The following ANK3 variants were observed in gnomAD, a reference collection of about 807,000 sequenced individuals.
ANK3 encodes the protein ankyrin-3.
Under a neutral mutation model 370.9 loss-of-function variants are expected in ANK3, and 57 were observed. The observed-to-expected ratio is 0.15, with a 90% CI of 0.12 to 0.19. The LOEUF is 0.19. Ranked by LOEUF, ANK3 falls within the 10% of genes least tolerant of loss-of-function variation. The pLI, the probability that ANK3 is intolerant of heterozygous loss-of-function variation, is 1.00. For synonymous variants in ANK3, 1,929 were observed against 1,946.3 expected (o/e 0.99, Z 0.23); for missense variants, 4,439 against 5,302.1 (o/e 0.84, Z 5.06).
chr10:60,629,556 C>G (rs2078454953), intron 1 of ANK3, among the ~76,000 whole-genome samples: 1 of 151,956 alleles, frequency 6.6e-6, no homozygotes, highest in Non-Finnish European at 1.5e-5. Context: ...TCTATGGCAA[C>G]CCAGGCTCCA....
chr10:60,042,778 T>C lies in ANK3; in HGVS notation c.13066-19A>G. 1.9e-6 allele frequency: 3 copies of C among 1,611,802 alleles called. No homozygotes were observed. The highest frequency in any genetic ancestry group is 2.5e-6 in the Non-Finnish European group (3 of 1,179,676). On this transcript the variant is annotated intron_variant, in intron 42 of 43. Transcript: ENST00000280772. ...CTCCCTGCTTTGAAAGGAGTGTACA[T>C]ATTAAGATTTCACAGTGAAACAGTG...
intron 2 of ANK3, among the ~76,000 whole-genome samples, chr10:60,487,903 G>A (rs996869030): frequency 2.0e-5 from 3 of 151,922 alleles, no homozygotes; most frequent in Non-Finnish European, 4.4e-5. Context: ...TAGTCGAGAC[G>A]AGGTTTCTCC....
At chr10:60,395,171 C>G (rs536120632) in intron 2 of ANK3, among the ~76,000 whole-genome samples, 2 of 152,062 alleles carry the variant, frequency 1.3e-5, no homozygotes, top group Admixed American at 1.3e-4. Flanking sequence ...ACATACAGAT[C>G]AAATATTTCT....
intron 9 of ANK3, among the ~76,000 whole-genome samples, chr10:60,212,655 T>G (rs2096875231): frequency 6.6e-6 from 1 of 152,162 alleles, no homozygotes; most frequent in Non-Finnish European, 1.5e-5. Flanking sequence ...CTAATATTGT[T>G]GAGGAAACAC....
chr10:60,263,631 T>C (rs1306067092), intron 6 of ANK3, among the ~76,000 whole-genome samples: 1 of 152,172 alleles, frequency 6.6e-6, no homozygotes, highest in Non-Finnish European at 1.5e-5. Context: ...TTAGCACGCA[T>C]AGGGCCGCAT....
intron 2 of ANK3, among the ~76,000 whole-genome samples, chr10:60,454,983 TAAGTA>T (rs2064710022): frequency 2.0e-5 from 3 of 152,174 alleles, no homozygotes; most frequent in South Asian, 4.1e-4. Flanking sequence ...CATGTGGCAA[TAAGTA>T]AATAAGTAGC....
chr10:60,176,367 C>CTA (rs1482069135), intron 18 of ANK3, among the ~76,000 whole-genome samples: 1 of 49,626 alleles, frequency 2.0e-5, no homozygotes, highest in African/African-American at 1.5e-4. Context: ...ACTCTGTCTC[C>CTA]CAAAAAAAAA....
intron 1 of ANK3, among the ~76,000 whole-genome samples, chr10:60,690,222 T>C (rs781709869): frequency 9.9e-5 from 15 of 152,110 alleles, no homozygotes; most frequent in Non-Finnish European, 2.1e-4. Flanking sequence ...GTTCATCTCA[T>C]TGGGACTGGT....
Position 60,056,042 on chromosome 10 carries a change from A to G in ANK3, c.12687-6T>C. On this transcript the variant is annotated splice_polypyrimidine_tract_variant and splice_region_variant and intron_variant, in intron 41 of 43. Transcript: ENST00000280772. ...AATCTCTACACTGGTCAGGGCTGCAACAGAAAATTTGCAAATTCACAATGG... is the reference window on the plus strand; with the variant it reads ...AATCTCTACACTGGTCAGGGCTGCAGCAGAAAATTTGCAAATTCACAATGG... 6.3e-7 allele frequency: 1 copy of G among 1,586,120 alleles called. No individual in the cohort carries two copies. Among genetic ancestry groups the G allele is most frequent in the Non-Finnish European group, 8.5e-7 (1 of 1,170,394 alleles).
In ANK3 at chr10:60,067,013, G is replaced by A. The variant is rs146238406; in HGVS notation, c.12319+922C>T. ...CAGCTCACTGCAGCCTCTGCCTCCC[G>A]GGTTCAAGCGATTCTCCTGTCTCAG... On this transcript the variant is annotated intron_variant, in intron 38 of 43. Transcript: ENST00000280772. 5.4e-3 allele frequency among the ~76,000 whole-genome samples: 824 copies of A among 152,166 alleles called. 6 individuals carry two copies. Among genetic ancestry groups the A allele is most frequent in the African/African-American group, 0.019 (795 of 41,498 alleles).
chr10:60,485,317 C>CT (rs2075321260), intron 2 of ANK3, among the ~76,000 whole-genome samples: 1 of 116,558 alleles, frequency 8.6e-6, no homozygotes, highest in African/African-American at 2.9e-5. Flanking sequence ...AGGAAGGCTA[C>CT]AGTCTCGGCA....
At chr10:60,442,825 C>A (rs747809101) in intron 2 of ANK3, among the ~76,000 whole-genome samples, 8 of 152,170 alleles carry the variant, frequency 5.3e-5, no homozygotes, top group Non-Finnish European at 1.2e-4. Context: ...TTGTTGTTAT[C>A]CCCATTTGAC....
intron 1 of ANK3, among the ~76,000 whole-genome samples, chr10:60,284,713 A>G (rs551022000): frequency 2.6e-5 from 4 of 152,106 alleles, no homozygotes; most frequent in Non-Finnish European, 5.9e-5. Flanking sequence ...GATCAGGCTA[A>G]CAGTGGATCA....
intron 8 of ANK3, among the ~76,000 whole-genome samples, chr10:60,233,181 C>T (rs2097274039): frequency 6.6e-6 from 1 of 152,210 alleles, no homozygotes; most frequent in Admixed American, 6.5e-5. Flanking sequence ...TATGCCAGCA[C>T]AGTTTACAAA....
chr10:60,579,785 C>G (rs548516197), intron 2 of ANK3, among the ~76,000 whole-genome samples: 1 of 152,140 alleles, frequency 6.6e-6, no homozygotes, highest in African/African-American at 2.4e-5. Context: ...GACTGCAGGA[C>G]GTCAATCCTT....
In ANK3 at chr10:60,055,753, C is replaced by T; in HGVS notation, c.12970G>A (p.Val4324Ile). 1.2e-6 allele frequency: 2 copies of T among 1,614,196 alleles called. No individual in the cohort carries two copies. The highest frequency in any genetic ancestry group is 1.7e-6 in the Non-Finnish European group (2 of 1,180,028). The change falls in exon 42 of 44, where the codon GTC becomes ATC. Residue 4324 changes from valine to isoleucine, a missense_variant. Physicochemically the swap from Val to Ile is conservative, Grantham distance 29. This residue lies in a region of ANK3 where 242 missense variants were observed against 228.0 expected (regional missense o/e 1.06). Transcript: ENST00000280772. Reference protein sequence around the residue: ...IIEETKPCVPVSMKKMSRTSP... With the variant: ...IIEETKPCVPISMKKMSRTSP... ...GTCCTACTCATCTTTTTCATACTGA[C>T]AGGCACACAGGGTTTAGTCTCTTCT...
intron 1 of ANK3, among the ~76,000 whole-genome samples, chr10:60,306,443 A>ATATATATATC (rs2045129002): frequency 1.6e-5 from 1 of 62,176 alleles, no homozygotes; most frequent in African/African-American, 4.6e-5. Context: ...ATATATATAT[A>ATATATATATC]TATATATATA....
intron 21 of ANK3, among the ~76,000 whole-genome samples, chr10:60,170,186 G>T (rs1474871222): frequency 5.9e-5 from 9 of 152,154 alleles, no homozygotes; most frequent in Admixed American, 3.9e-4. Flanking sequence ...AGTTTGGTAT[G>T]CTGTTTTGAT....
intron 14 of ANK3, among the ~76,000 whole-genome samples, chr10:60,196,968 T>C (rs894466036): frequency 6.6e-6 from 1 of 152,160 alleles, no homozygotes; most frequent in Non-Finnish European, 1.5e-5. Flanking sequence ...ATCTGGGGCT[T>C]ATTCTAGGGC....
Sources: allele counts gnomAD v4.1 joint callset (sites outside exome capture counted in the v4.1 genomes callset), GRCh38; gene constraint gnomAD v4.1.1; regional missense constraint gnomAD v4.1.1; transcripts MANE v1.5; gene names NCBI Gene and HGNC (gene_info 2026-07-23, HGNC 2026-07-21).